FGF14: variants seen among roughly 807,000 people sequenced by gnomAD.
FGF14 encodes fibroblast growth factor homologous factor 4.
Under a neutral mutation model 25.5 loss-of-function variants are expected in FGF14, and 5 were observed. That is an observed-to-expected ratio of 0.20 (90% confidence interval 0.10 to 0.41). The LOEUF (loss-of-function observed/expected upper bound fraction) is 0.41, where lower values mean the gene tolerates loss of function less well. Ranked by LOEUF, FGF14 falls within the 10% of genes least tolerant of loss-of-function variation. The pLI is 1.00. For missense variants in FGF14, 222 were observed against 320.1 expected (o/e 0.69, Z 2.34); for synonymous variants, 138 against 118.3 (o/e 1.17, Z -1.08).
At chr13:102,011,245 T>C (rs2040061709) in intron 1 of FGF14, among the ~76,000 whole-genome samples, 1 of 152,242 alleles carries the variant, frequency 6.6e-6, no homozygotes, top group South Asian at 2.1e-4. Flanking sequence ...TGTGATTACA[T>C]ACTTTGAACC....
At chr13:102,086,544 G>C (rs1255229226) in intron 1 of FGF14, among the ~76,000 whole-genome samples, 1 of 152,026 alleles carries the variant, frequency 6.6e-6, no homozygotes, top group Non-Finnish European at 1.5e-5. Context: ...AAAAAGAAGT[G>C]CTTCCGACCT....
intron 3 of FGF14, among the ~76,000 whole-genome samples, chr13:101,822,129 T>C (rs2042184434): frequency 6.6e-6 from 1 of 152,196 alleles, no homozygotes. Context: ...AAACCTTTTC[T>C]TTGCCTTACT....
intron 1 of FGF14, among the ~76,000 whole-genome samples, chr13:102,289,715 T>C (rs949589464): frequency 2.0e-5 from 3 of 152,230 alleles, no homozygotes; most frequent in African/African-American, 7.2e-5. Flanking sequence ...GAAGAGATTC[T>C]GTGTCATATC....
chr13:102,229,131 A>G (rs948113635), intron 1 of FGF14, among the ~76,000 whole-genome samples: 1 of 152,294 alleles, frequency 6.6e-6, no homozygotes, highest in East Asian at 1.9e-4. Context: ...ACCTAGAAGG[A>G]GCCAGTGCTG....
At chr13:101,975,442 C>T (rs1381212180) in intron 1 of FGF14, among the ~76,000 whole-genome samples, 2 of 152,106 alleles carry the variant, frequency 1.3e-5, no homozygotes, top group Admixed American at 6.5e-5. Context: ...TCATTCTGAG[C>T]GTTCCTTCTT....
At chr13:102,024,579 T>A (rs1023494347) in intron 1 of FGF14, among the ~76,000 whole-genome samples, 24 of 152,186 alleles carry the variant, frequency 1.6e-4, no homozygotes, top group African/African-American at 4.3e-4. Context: ...CACTTTTTGA[T>A]GGTCTCCTTT....
intron 1 of FGF14, among the ~76,000 whole-genome samples, chr13:102,092,966 G>A (rs879723923): frequency 2.0e-5 from 3 of 152,206 alleles, no homozygotes; most frequent in Non-Finnish European, 4.4e-5. Context: ...TTAAGCTGAA[G>A]TTAGGGGAGA....
At chr13:102,217,165 T>C (rs1398024407) in intron 1 of FGF14, among the ~76,000 whole-genome samples, 2 of 152,218 alleles carry the variant, frequency 1.3e-5, no homozygotes, top group Non-Finnish European at 2.9e-5. Context: ...TTTACATACA[T>C]ACCCAGTAGT....
intron 3 of FGF14, among the ~76,000 whole-genome samples, chr13:101,854,483 A>G (rs1233140154): frequency 6.6e-6 from 1 of 152,128 alleles, no homozygotes; most frequent in Admixed American, 6.6e-5. Context: ...CCTCATGTGT[A>G]TATGATGGAC....
At chr13:101,840,146 A>G (rs557192101) in intron 3 of FGF14, among the ~76,000 whole-genome samples, 13 of 152,118 alleles carry the variant, frequency 8.5e-5, no homozygotes, top group Non-Finnish European at 1.0e-4. Flanking sequence ...ACACCTGATG[A>G]TATTTCAAAT....
intron 1 of FGF14, among the ~76,000 whole-genome samples, chr13:102,103,197 C>G (rs751668331): frequency 1.8e-4 from 27 of 151,892 alleles, no homozygotes; most frequent in Non-Finnish European, 4.4e-5. Context: ...AGAATGAATA[C>G]CAATGGTAAG....
chr13:101,975,518 A>T (rs370302538), intron 1 of FGF14, among the ~76,000 whole-genome samples: 98 of 152,298 alleles, frequency 6.4e-4, no homozygotes, highest in African/African-American at 2.3e-3. Flanking sequence ...ATTTCATGAC[A>T]TTGCAACTCC....
At chr13:101,910,194 G>A (rs2032765005) in intron 1 of FGF14, among the ~76,000 whole-genome samples, 1 of 151,946 alleles carries the variant, frequency 6.6e-6, no homozygotes, top group Admixed American at 6.6e-5. Context: ...GTATACATAT[G>A]TAACAAACCT....
intron 1 of FGF14, among the ~76,000 whole-genome samples, chr13:102,363,863 C>A (rs996370947): frequency 1.3e-5 from 2 of 152,098 alleles, no homozygotes; most frequent in Non-Finnish European, 2.9e-5. Flanking sequence ...TTCCATTTTT[C>A]AGGGGAATGG....
At chr13:102,147,871 A>G (rs1413064752) in intron 1 of FGF14, among the ~76,000 whole-genome samples, 1 of 152,174 alleles carries the variant, frequency 6.6e-6, no homozygotes. Context: ...ATAGGGAAAA[A>G]CTGTGCAGGT....
At chr13:102,051,670 C>T (rs2042221352) in intron 1 of FGF14, among the ~76,000 whole-genome samples, 3 of 152,172 alleles carry the variant, frequency 2.0e-5, no homozygotes, top group African/African-American at 7.2e-5. Flanking sequence ...GCTGATAGAG[C>T]TATACAAACA....
At position 102,083,205 on chromosome 13, in the gene FGF14, C is replaced by T. The variant is rs150084892; in HGVS notation, c.209-207909G>A. Among the ~76,000 whole-genome samples the T allele has an allele frequency of 6.8e-3, 1,028 of 152,288 alleles. 15 individuals are homozygous for T. The highest frequency in any genetic ancestry group is 7.1e-3 in the Non-Finnish European group (483 of 68,018). ...ACTTACATGACCACCATTGCTATCACCTTGGTCCAAGCTTCCGTCATCTTT... is the reference window on the plus strand; with the variant it reads ...ACTTACATGACCACCATTGCTATCATCTTGGTCCAAGCTTCCGTCATCTTT... On this transcript the variant is annotated intron_variant, in intron 1 of 4. Coordinates refer to the FGF14 transcript ENST00000376131.
Position 102,132,747 on chromosome 13 carries a change from C to G in FGF14, c.209-257451G>C, listed in dbSNP as rs577166691. ...TGTTGGCCAGGCTGGCCTCGAACTC[C>G]TGACCTCAAGCAATCCACCCGCCTC... is the stretch of plus-strand genomic sequence containing the variant. On this transcript the variant is annotated intron_variant, in intron 1 of 4. Transcript: ENST00000376131. Among the ~76,000 whole-genome samples the G allele has an allele frequency of 2.0e-5, 3 of 152,246 alleles. No individual in the cohort carries two copies. In the East Asian group the frequency reaches 5.8e-4, roughly 29 times the overall value.
chr13:101,711,835 A>C lies in FGF14; in HGVS notation c.*10996T>G, dbSNP rs1252722059. On this transcript the variant is annotated 3_prime_UTR_variant, in exon 5 of 5. Coordinates refer to ENST00000376143, the MANE Select transcript of FGF14 (RefSeq NM_004115.4). ...AAGGGTCCTTATATTGAGAAAGAAA[A>C]TGAATGGATTAGTGGTGCTGTGGTG... is the stretch of plus-strand genomic sequence containing the variant. 1 of 152,194 alleles carries C rather than the reference A, an allele frequency of 6.6e-6. No homozygotes were observed. Among genetic ancestry groups the C allele is most frequent in the Non-Finnish European group, 1.5e-5 (1 of 68,040 alleles). The allele number at this position is 152,194 out of a possible 1,614,324, so 9.4% of individuals were successfully genotyped here.
Sources: allele counts gnomAD v4.1 joint callset (sites outside exome capture counted in the v4.1 genomes callset), GRCh38; gene constraint gnomAD v4.1.1; transcripts MANE v1.5; gene names NCBI Gene and HGNC (gene_info 2026-07-23, HGNC 2026-07-21).